ZNF454: variants seen among roughly 807,000 people sequenced by gnomAD.
ZNF454 encodes zinc finger protein 454.
Under a neutral mutation model 48.2 loss-of-function variants are expected in ZNF454, and 30 were observed. The ratio of observed to expected loss-of-function variants is 0.62; its 90% confidence interval spans 0.47 to 0.84. ZNF454 has a LOEUF of 0.84. Among genes scored for constraint, ZNF454 ranks in the 40% least tolerant of loss-of-function variants. The pLI, the probability that ZNF454 is intolerant of heterozygous loss-of-function variation, is 0.00. For missense variants in ZNF454, 510 were observed against 623.1 expected (o/e 0.82, Z 1.93); for synonymous variants, 204 against 211.4 (o/e 0.97, Z 0.30).
chr5:178,980,744 C>G, the ZNF454 span: 5 of 152,466 alleles, frequency 3.3e-5, no homozygotes, highest in African/African-American at 1.2e-4. This position sits in a 1 kb window ranked among gnomAD's most constrained non-coding sequence, Gnocchi z 4.3. Flanking sequence ...AGCGATTCTC[C>G]TGCCTCAGCC....
chr5:178,985,060 A>G, the ZNF454 span, among the ~76,000 whole-genome samples: 1 of 152,158 alleles, frequency 6.6e-6, no homozygotes, highest in Admixed American at 6.5e-5. Flanking sequence ...TTTAACGGCC[A>G]GCACGAAACG....
chr5:178,943,922 G>T (rs567939616), intron 2 of ZNF454, among the ~76,000 whole-genome samples: 71 of 152,298 alleles, frequency 4.7e-4, no homozygotes, highest in African/African-American at 1.6e-3. Flanking sequence ...AGCTACTCGG[G>T]AGGCTGAGGC....
At chr5:178,987,179 G>C in the ZNF454 span, 1 of 702,122 alleles carries the variant, frequency 1.4e-6, no homozygotes, top group Non-Finnish European at 2.6e-6. Context: ...AGAAAATAAC[G>C]AGTGTTGTGA....
At chr5:178,947,225 TAG>T (rs1414952614) in intron 4 of ZNF454, among the ~76,000 whole-genome samples, 1 of 152,228 alleles carries the variant, frequency 6.6e-6, no homozygotes, top group Non-Finnish European at 1.5e-5. Flanking sequence ...CGTAGATTAG[TAG>T]AGTCTCTGGT....
chr5:178,977,840 C>T, the ZNF454 span, among the ~76,000 whole-genome samples: 1 of 152,178 alleles, frequency 6.6e-6, no homozygotes. Flanking sequence ...TCACCTCAGC[C>T]TCCCAAAGTG....
downstream of ZNF454, among the ~76,000 whole-genome samples, chr5:178,966,614 A>C (rs1760165965): frequency 6.6e-6 from 1 of 152,148 alleles, no homozygotes; most frequent in African/African-American, 2.4e-5. Context: ...CTGAAATTGT[A>C]AAAATTAAAG....
chr5:178,985,849 A>G, the ZNF454 span: 3 of 543,956 alleles, frequency 5.5e-6, no homozygotes, highest in Non-Finnish European at 3.4e-6. Flanking sequence ...GCAACCTTCA[A>G]CTCTTGGGCT....
the ZNF454 span, chr5:178,989,211 A>AACC: frequency 4.1e-5 from 5 of 121,712 alleles, no homozygotes; most frequent in Admixed American, 1.8e-4. Context: ...CCCCCTCCCC[A>AACC]CCCTCACCAC....
chr5:178,956,162 C>T (rs1487713014), intron 4 of ZNF454, among the ~76,000 whole-genome samples: 1 of 152,154 alleles, frequency 6.6e-6, no homozygotes, highest in Non-Finnish European at 1.5e-5. Flanking sequence ...TTTCCAAGAA[C>T]TCTTGTTTCT....
chr5:178,945,177 T>A (rs913302277), intron 2 of ZNF454, among the ~76,000 whole-genome samples: 8 of 149,696 alleles, frequency 5.3e-5, no homozygotes, highest in Non-Finnish European at 1.2e-4. Context: ...TAGGGCTGTG[T>A]CTTTGTATGT....
the ZNF454 span, chr5:178,976,154 C>T: frequency 6.6e-6 from 3 of 455,428 alleles, no homozygotes; most frequent in Admixed American, 7.1e-5. Flanking sequence ...GCTCACTCCC[C>T]ACCTCCTTCA....
intron 4 of ZNF454, among the ~76,000 whole-genome samples, chr5:178,947,445 ATG>A (rs1242995424): frequency 2.0e-5 from 3 of 151,964 alleles, no homozygotes; most frequent in Non-Finnish European, 4.4e-5. Context: ...CTACCTCCAT[ATG>A]TGTTTGTCCA....
At chr5:178,969,087 T>C (rs550719062), downstream of ZNF454, among the ~76,000 whole-genome samples, 5 of 152,240 alleles carry the variant, frequency 3.3e-5, no homozygotes, top group South Asian at 1.0e-3. Flanking sequence ...GACTTGAATA[T>C]ATTGATGGTA....
the ZNF454 span, chr5:178,989,086 C>T: frequency 3.1e-6 from 5 of 1,614,094 alleles, no homozygotes; most frequent in Non-Finnish European, 2.5e-6. Context: ...TCACAAACTG[C>T]ACCTTGCCCT....
chr5:178,982,315 C>T, the ZNF454 span, among the ~76,000 whole-genome samples: 40 of 152,224 alleles, frequency 2.6e-4, no homozygotes, highest in African/African-American at 7.7e-4. Flanking sequence ...CAGTGGCTCA[C>T]GCCTGTCATC....
At chr5:178,987,396 A>G in the ZNF454 span, 3 of 461,462 alleles carry the variant, frequency 6.5e-6, no homozygotes, top group South Asian at 4.6e-5. Context: ...TAGCCACAAG[A>G]TGAAAGCAAC....
the ZNF454 span, among the ~76,000 whole-genome samples, chr5:178,976,945 G>A: frequency 1.3e-5 from 2 of 152,142 alleles, no homozygotes; most frequent in South Asian, 2.1e-4. Context: ...AGTGCCTGGG[G>A]CCGTGTTCCC....
At chr5:178,985,837 C>T in the ZNF454 span, 2 of 538,400 alleles carry the variant, frequency 3.7e-6, no homozygotes, top group Admixed American at 5.6e-5. Context: ...TCTTGGCTCA[C>T]AGCAACCTTC....
At chr5:178,953,519 C>T (rs1441037064) in intron 4 of ZNF454, among the ~76,000 whole-genome samples, 2 of 152,112 alleles carry the variant, frequency 1.3e-5, no homozygotes, top group African/African-American at 4.8e-5. Context: ...TATCCTTGGC[C>T]GTTCACTACG....
Sources: gnomAD v4.1 joint callset for allele counts (sites outside exome capture counted in the v4.1 genomes callset) on GRCh38, gnomAD v4.1.1 for gene constraint, Gnocchi (gnomAD v3.1) non-coding constraint, MANE v1.5 for transcripts, NCBI Gene and HGNC (gene_info 2026-07-23, HGNC 2026-07-21) for gene names.